The following DLGAP1 variants were observed in gnomAD, a reference collection of about 807,000 sequenced individuals.
DLGAP1 encodes DLG associated protein 1, also known as disks large-associated protein 1.
In DLGAP1, 11 loss-of-function variants were observed where a neutral mutation model predicts 90.8. That is an observed-to-expected ratio of 0.12 (90% CI 0.08 to 0.20). DLGAP1 has a LOEUF of 0.20. Ranked by LOEUF, DLGAP1 falls within the 10% of genes least tolerant of loss-of-function variation. The pLI is 1.00. For missense variants in DLGAP1, 1,050 were observed against 1,333.8 expected (o/e 0.79, Z 3.31); for synonymous variants, 558 against 540.7 (o/e 1.03, Z -0.44).
intron 2 of DLGAP1, among the ~76,000 whole-genome samples, chr18:4,012,194 T>C (rs1458366933): frequency 6.6e-6 from 1 of 152,104 alleles, no homozygotes; most frequent in Non-Finnish European, 1.5e-5. Flanking sequence ...AGGGAGTGAA[T>C]GTTCTGAAAT....
At chr18:3,996,218 C>T (rs1183594418) in intron 3 of DLGAP1, among the ~76,000 whole-genome samples, 1 of 151,990 alleles carries the variant, frequency 6.6e-6, no homozygotes, top group Non-Finnish European at 1.5e-5. Context: ...CAAGTCAATT[C>T]TGATAAGATG....
chr18:3,686,254 G>A (rs952688339), intron 7 of DLGAP1, among the ~76,000 whole-genome samples: 3 of 152,024 alleles, frequency 2.0e-5, no homozygotes, highest in African/African-American at 7.2e-5. Context: ...TGCTGTGTAA[G>A]GGTATTTCTT....
intron 3 of DLGAP1, among the ~76,000 whole-genome samples, chr18:3,909,234 A>T (rs1175388485): frequency 6.6e-6 from 1 of 152,196 alleles, no homozygotes; most frequent in Non-Finnish European, 1.5e-5. Flanking sequence ...CCTAAGTGAG[A>T]CTTTCTACCA....
intron 9 of DLGAP1, among the ~76,000 whole-genome samples, chr18:3,542,508 A>C (rs1030518491): frequency 9.2e-5 from 14 of 152,242 alleles, no homozygotes; most frequent in Admixed American, 6.5e-4. Flanking sequence ...TGATCTCTAA[A>C]GATTTCAGAC....
intron 4 of DLGAP1, chr18:3,821,791 C>T (rs1435833503): frequency 5.8e-6 from 3 of 518,080 alleles, no homozygotes; most frequent in African/African-American, 4.2e-5. Context: ...AAGAAGGCTC[C>T]ACCCTGGACT....
intron 5 of DLGAP1, among the ~76,000 whole-genome samples, chr18:3,797,041 G>A (rs1415618958): frequency 6.6e-6 from 1 of 152,030 alleles, no homozygotes; most frequent in Non-Finnish European, 1.5e-5. Flanking sequence ...CTTATAAGAA[G>A]AGACACTGGA....
At chr18:4,045,432 CAAAAAAAAAAAAAAAAAAAA>C (rs763466156) in intron 2 of DLGAP1, among the ~76,000 whole-genome samples, 3 of 29,190 alleles carry the variant, frequency 1.0e-4, no homozygotes, top group African/African-American at 3.7e-4. Context: ...CCCATCTCTA[CAAAAAAAAAAAAAAAAAAAA>C]AAAAAAAAAA....
At chr18:4,090,105 G>C (rs2075752678) in intron 2 of DLGAP1, among the ~76,000 whole-genome samples, 1 of 152,152 alleles carries the variant, frequency 6.6e-6, no homozygotes, top group African/African-American at 2.4e-5. Flanking sequence ...ACTCAAGATA[G>C]ATTAAAGACT....
chr18:3,879,048 A>T lies in DLGAP1; in HGVS notation c.957+64T>A. The T allele has an allele frequency of 1.5e-6, 2 of 1,333,266 alleles. No homozygotes were observed. The allele number at this position is 1,333,266 out of a possible 1,614,324, so 82.6% of individuals were successfully genotyped here. A position where few individuals can be genotyped will look rare whatever the true frequency, so the allele number is the denominator to read the frequency against. On this transcript the variant is annotated intron_variant, in intron 4 of 12. Coordinates refer to ENST00000315677, the MANE Select transcript of DLGAP1 (RefSeq NM_004746.4). The surrounding 1 kb of genome is among the most constrained non-coding windows in gnomAD (Gnocchi z 6.6). ...GAGTAGTGCCAAGACTAGAACCAGG[A>T]GAAATGCCCACACAAGCATGCCAGG... is the stretch of plus-strand genomic sequence containing the variant.
rs181355142 is a variant in DLGAP1, at chr18:3,926,533, T to A, written c.-72-46393A>T. ...ATTTGACCATATGCACATATATACA[T>A]ACATGCAGACACATCTCTCTCTATA... On this transcript the variant is annotated intron_variant, in intron 3 of 12. Transcript: ENST00000315677. 4.7e-3 allele frequency among the ~76,000 whole-genome samples: 707 copies of A among 152,004 alleles called. 6 individuals are homozygous for A. Among genetic ancestry groups the A allele is most frequent in the African/African-American group, 0.016 (675 of 41,456 alleles).
intron 1 of DLGAP1, among the ~76,000 whole-genome samples, chr18:4,376,184 G>T (rs568462194): frequency 2.0e-5 from 3 of 152,034 alleles, no homozygotes; most frequent in Non-Finnish European, 4.4e-5. Flanking sequence ...ACAGTATGTC[G>T]GCCAAGGCAC....
chr18:4,043,525 A>G (rs1371976355), intron 2 of DLGAP1, among the ~76,000 whole-genome samples: 1 of 152,140 alleles, frequency 6.6e-6, no homozygotes, highest in Non-Finnish European at 1.5e-5. Flanking sequence ...AAGGATGATC[A>G]ATTTAGATGT....
At chr18:4,227,348 T>C (rs768406263) in intron 1 of DLGAP1, among the ~76,000 whole-genome samples, 5 of 152,030 alleles carry the variant, frequency 3.3e-5, no homozygotes, top group Non-Finnish European at 5.9e-5. Context: ...CTAGACCAAA[T>C]GGACCTAATA....
At chr18:3,969,118 T>C (rs2073391582) in intron 3 of DLGAP1, among the ~76,000 whole-genome samples, 1 of 152,196 alleles carries the variant, frequency 6.6e-6, no homozygotes, top group African/African-American at 2.4e-5. Context: ...ATTATGATTA[T>C]TTTGCTACTA....
chr18:3,726,454 T>TGAGA lies in DLGAP1; in HGVS notation c.1591+2677_1591+2680dup, dbSNP rs35741226. Among the ~76,000 whole-genome samples, 506 of 149,402 alleles carry TGAGA rather than the reference T, an allele frequency of 3.4e-3. 4 individuals are homozygous for TGAGA. Among genetic ancestry groups the TGAGA allele is most frequent in the African/African-American group, 0.011 (437 of 40,758 alleles). ...GAAATGCGTGTGTGGGGTGTGTGTG[T>TGAGA]GAGAGAGAGAGAGAGAGAGATAAAT... On this transcript the variant is annotated intron_variant, in intron 7 of 12. Coordinates refer to ENST00000315677, the MANE Select transcript of DLGAP1 (RefSeq NM_004746.4).
chr18:3,798,350 G>A (rs1170189987), intron 5 of DLGAP1, among the ~76,000 whole-genome samples: 1 of 152,212 alleles, frequency 6.6e-6, no homozygotes, highest in Non-Finnish European at 1.5e-5. Flanking sequence ...TGGTGGAGCA[G>A]GTTGCTTCAT....
chr18:3,585,214 C>T (rs549595675), intron 7 of DLGAP1, among the ~76,000 whole-genome samples: 3 of 152,332 alleles, frequency 2.0e-5, no homozygotes, highest in South Asian at 4.1e-4. Context: ...CCCACTAGCC[C>T]ACAGCTAAGC....
intron 5 of DLGAP1, among the ~76,000 whole-genome samples, chr18:3,803,972 A>ATT (rs2066438364): frequency 2.9e-5 from 2 of 68,818 alleles, no homozygotes; most frequent in Non-Finnish European, 5.9e-5. Context: ...ATATATATAT[A>ATT]TATATATATA....
intron 1 of DLGAP1, among the ~76,000 whole-genome samples, chr18:4,225,108 T>C (rs1349945543): frequency 6.6e-6 from 1 of 152,110 alleles, no homozygotes; most frequent in African/African-American, 2.4e-5. Flanking sequence ...TTGTATCTCA[T>C]GCAATACTAC....
Sources: allele counts gnomAD v4.1 joint callset (sites outside exome capture counted in the v4.1 genomes callset), GRCh38; gene constraint gnomAD v4.1.1; non-coding constraint Gnocchi (gnomAD v3.1); transcripts MANE v1.5; gene names NCBI Gene and HGNC (gene_info 2026-07-23, HGNC 2026-07-21).